The following MAP3K3 variants were observed in gnomAD, a reference collection of about 807,000 sequenced individuals.
MAP3K3 encodes the protein mitogen-activated protein kinase kinase kinase 3, also known as MAP/ERK kinase kinase 3.
A neutral mutation model predicts 80.9 loss-of-function variants in MAP3K3; 12 were observed. That is an observed-to-expected ratio of 0.15 (90% CI 0.10 to 0.24). The LOEUF is 0.24. Among genes scored for constraint, MAP3K3 ranks in the 10% least tolerant of loss-of-function variants. The pLI is 1.00. For synonymous variants in MAP3K3, 272 were observed against 307.1 expected, an observed-to-expected ratio of 0.89 and a Z score of 1.19; for missense variants, 596 against 834.7, an observed-to-expected ratio of 0.71 and a Z score of 3.52.
intron 3 of MAP3K3, among the ~76,000 whole-genome samples, chr17:63,646,791 A>G (rs370051005): frequency 2.0e-5 from 3 of 152,208 alleles, no homozygotes; most frequent in African/African-American, 7.2e-5. Flanking sequence ...ATTTAAGGAA[A>G]ACATTCAGAA....
At chr17:63,685,391 G>A (rs1005101795) in intron 7 of MAP3K3, 126 bp from the exon 8 acceptor site, 5 of 757,466 alleles carry the variant, frequency 6.6e-6, no homozygotes, top group African/African-American at 1.7e-5. Flanking sequence ...CCCATTGCAT[G>A]GGGAGAAAAA....
At chr17:63,627,974 TG>T (rs1278631013) in intron 1 of MAP3K3, among the ~76,000 whole-genome samples, 1 of 150,630 alleles carries the variant, frequency 6.6e-6, no homozygotes, top group Non-Finnish European at 1.5e-5. Flanking sequence ...GGCATAGTCT[TG>T]GCTCACTGCA....
At chr17:63,668,956 CAAGG>C (rs1015868922) in intron 6 of MAP3K3, among the ~76,000 whole-genome samples, 1 of 152,052 alleles carries the variant, frequency 6.6e-6, no homozygotes, top group Non-Finnish European at 1.5e-5. Context: ...GCTGACACTC[CAAGG>C]AAGATTTACT....
At chr17:63,685,695 C>G in intron 8 of MAP3K3, 105 bp downstream of exon 8, 1 of 887,886 alleles carries the variant, frequency 1.1e-6, no homozygotes, top group Non-Finnish European at 1.9e-6. Flanking sequence ...AAACATCATG[C>G]TTCTAGGAAA....
chr17:63,632,631 T>A (rs1268021834), intron 1 of MAP3K3, 50 bp from the exon 2 acceptor site: 2 of 1,607,126 alleles, frequency 1.2e-6, no homozygotes, highest in East Asian at 4.5e-5. Context: ...GAAAGAGCTT[T>A]GCTGGTCTGT....
Position 63,632,876 on chromosome 17 carries a change from C to T in MAP3K3, c.126+74C>T, listed in dbSNP as rs1050745844. The T allele has an allele frequency of 1.9e-6, 3 of 1,585,636 alleles. No homozygotes were observed. The Admixed American group carries it at 5.1e-5, about 27-fold the overall frequency. On this transcript the variant is annotated intron_variant, in intron 2 of 15. Coordinates refer to ENST00000361733, the MANE Select transcript of MAP3K3 (RefSeq NM_002401.5). ...TTCAAATGGGAAATATACGAAAAGC[C>T]AAGGAGACTACATTACCAGGGTTGA...
At chr17:63,646,889 G>A (rs1213275006) in intron 3 of MAP3K3, among the ~76,000 whole-genome samples, 1 of 152,142 alleles carries the variant, frequency 6.6e-6, no homozygotes, top group Admixed American at 6.5e-5. Flanking sequence ...GCCTTTCGGT[G>A]TTTTTTCCAC....
chr17:63,648,754 G>T (rs1257701193), intron 3 of MAP3K3, among the ~76,000 whole-genome samples: 2 of 152,156 alleles, frequency 1.3e-5, no homozygotes, highest in African/African-American at 4.8e-5. Flanking sequence ...GGTGGAAGTT[G>T]CAGTGAGCCG....
chr17:63,674,122 C>T (rs1437219969), intron 6 of MAP3K3, among the ~76,000 whole-genome samples: 1 of 151,850 alleles, frequency 6.6e-6, no homozygotes, highest in African/African-American at 2.4e-5. Context: ...ATTCTGACTC[C>T]TGTATGGTCT....
intron 2 of MAP3K3, among the ~76,000 whole-genome samples, chr17:63,644,947 C>G (rs549838959): frequency 6.6e-6 from 1 of 152,146 alleles, no homozygotes; most frequent in Admixed American, 6.5e-5. Context: ...TACACCTGTT[C>G]TTCTGTAATA....
intron 1 of MAP3K3, among the ~76,000 whole-genome samples, chr17:63,631,670 G>GT (rs1224340969): frequency 6.6e-6 from 1 of 152,198 alleles, no homozygotes; most frequent in Admixed American, 6.5e-5. Flanking sequence ...TTGGCCAGTT[G>GT]TTTTCAATGT....
Position 63,692,864 on chromosome 17 carries a change from C to A in MAP3K3, c.1652+445C>A, listed in dbSNP as rs745751168. Among the ~76,000 whole-genome samples the A allele has an allele frequency of 3.3e-5, 5 of 152,166 alleles. No individual in the cohort carries two copies. Among genetic ancestry groups the A allele is most frequent in the Non-Finnish European group, 5.9e-5 (4 of 68,028 alleles). ...TGTGGTGGGCTGAATAATGGCCCCC[C>A]CAAAGATGTCCACTGCCTAATCCCT... On this transcript the variant is annotated intron_variant, in intron 15 of 15. Transcript: ENST00000361733. The surrounding 1 kb of genome is among the most constrained non-coding windows in gnomAD (Gnocchi z 4.5).
At chr17:63,663,394 C>T (rs1006247051) in intron 5 of MAP3K3, among the ~76,000 whole-genome samples, 4 of 151,744 alleles carry the variant, frequency 2.6e-5, no homozygotes, top group South Asian at 2.1e-4. Flanking sequence ...CCCAGATACT[C>T]GGGAGGCTGA....
At chr17:63,644,477 A>G (rs2034504100) in intron 2 of MAP3K3, among the ~76,000 whole-genome samples, 1 of 152,284 alleles carries the variant, frequency 6.6e-6, no homozygotes, top group Middle Eastern at 3.4e-3. Context: ...CGGCCTCCCA[A>G]GGGGCTGGGA....
chr17:63,670,855 G>A (rs766612733), intron 6 of MAP3K3, among the ~76,000 whole-genome samples: 8 of 152,142 alleles, frequency 5.3e-5, no homozygotes, highest in Non-Finnish European at 1.0e-4. Flanking sequence ...AGGGCAGGAT[G>A]AAGCTGGGGA....
intron 5 of MAP3K3, among the ~76,000 whole-genome samples, chr17:63,658,734 C>CTTT (rs55818509): frequency 8.0e-5 from 11 of 138,144 alleles, no homozygotes; most frequent in African/African-American, 3.0e-4. Context: ...CATTTCTTTT[C>CTTT]TTTTTTTTTT....
intron 6 of MAP3K3, among the ~76,000 whole-genome samples, chr17:63,671,984 T>A (rs1195377268): frequency 7.6e-5 from 11 of 143,902 alleles, no homozygotes; most frequent in Non-Finnish European, 1.4e-4. Context: ...CAATATCATT[T>A]AAAAAAAAAA....
rs570995497 is a variant in MAP3K3, at chr17:63,653,771, T to C, written c.267+1115T>C. On this transcript the variant is annotated intron_variant, in intron 4 of 15. Coordinates refer to ENST00000361733, the MANE Select transcript of MAP3K3 (RefSeq NM_002401.5). ...TATCTCTTTGTAATTATAGTTTTATTGAGATTAAAAAATTTATCATCTAAA... is the reference window on the plus strand; with the variant it reads ...TATCTCTTTGTAATTATAGTTTTATCGAGATTAAAAAATTTATCATCTAAA... Among the ~76,000 whole-genome samples the C allele has an allele frequency of 7.2e-5, 11 of 152,336 alleles. 1 individual carries two copies. Among genetic ancestry groups the C allele is most frequent in the Admixed American group, 5.9e-4 (9 of 15,296 alleles).
chr17:63,690,067 G>A, intron 11 of MAP3K3, 197 bp from the exon 12 acceptor site: 1 of 628,756 alleles, frequency 1.6e-6, no homozygotes, highest in Non-Finnish European at 2.7e-6. Context: ...CCAATCCTCT[G>A]CTTCTTAGGA....
Sources: gnomAD v4.1 joint callset for allele counts (sites outside exome capture counted in the v4.1 genomes callset) on GRCh38, gnomAD v4.1.1 for gene constraint, Gnocchi (gnomAD v3.1) non-coding constraint, MANE v1.5 for transcripts, NCBI Gene and HGNC (gene_info 2026-07-23, HGNC 2026-07-21) for gene names.